HK1: variants seen among roughly 807,000 people sequenced by gnomAD.
HK1 encodes the protein hexokinase-1.
Under a neutral mutation model 91.6 loss-of-function variants are expected in HK1, and 28 were observed. That is an observed-to-expected ratio of 0.31 (90% CI 0.23 to 0.42). The LOEUF (loss-of-function observed/expected upper bound fraction) is 0.42, where lower values mean the gene tolerates loss of function less well. Among genes scored for constraint, HK1 ranks in the 10% least tolerant of loss-of-function variants. The pLI is 1.00. For missense variants in HK1, 770 were observed against 1,219.8 expected (o/e 0.63, Z 5.49); for synonymous variants, 430 against 468.1 (o/e 0.92, Z 1.05).
At chr10:69,306,936 A>G (rs2132520025) in intron 5 of HK1, among the ~76,000 whole-genome samples, 1 of 152,348 alleles carries the variant, frequency 6.6e-6, no homozygotes, top group Middle Eastern at 3.4e-3. Flanking sequence ...GTTGTTCACC[A>G]CATTTCCAGT....
At chr10:69,351,278 C>T (rs74604511) in intron 2 of HK1, among the ~76,000 whole-genome samples, 20,265 of 151,928 alleles carry the variant, frequency 0.13, 1,543 homozygotes, top group South Asian at 0.27. Flanking sequence ...GAGGCCAGGG[C>T]AGTCGGATCA....
chr10:69,351,535 AC>A lies in HK1; in HGVS notation c.226+7547del, dbSNP rs529595624. On this transcript the variant is annotated intron_variant, in intron 2 of 17. Transcript: ENST00000359426. ...AAAAACAAAAACAAAAACAAAAAAAACAAAACAAAAAAACCCAAAGCTATAA... is the reference window on the plus strand; with the variant it reads ...AAAAACAAAAACAAAAACAAAAAAAAAAAACAAAAAAACCCAAAGCTATAA... 2.2e-3 allele frequency among the ~76,000 whole-genome samples: 329 copies of A among 148,550 alleles called. 6 individuals are homozygous for A. The highest frequency in any genetic ancestry group is 7.7e-4 in the Non-Finnish European group (52 of 67,150).
intron 7 of HK1, among the ~76,000 whole-genome samples, chr10:69,373,128 C>G (rs558365148): frequency 6.6e-6 from 1 of 152,330 alleles, no homozygotes; most frequent in Admixed American, 6.5e-5. Context: ...CTTGGCCTCT[C>G]AAAGTTCTGG....
chr10:69,324,065 T>A (rs1341129938), intron 1 of HK1, among the ~76,000 whole-genome samples: 1 of 152,138 alleles, frequency 6.6e-6, no homozygotes, highest in Admixed American at 6.5e-5. Context: ...AGAGACAGGG[T>A]CTCACCATAT....
Position 69,401,213 on chromosome 10 carries a change from G to A in HK1, c.*78G>A, listed in dbSNP as rs1197244689. 2 of 1,522,606 alleles carry A rather than the reference G, an allele frequency of 1.3e-6. No individual in the cohort carries two copies. The highest frequency in any genetic ancestry group is 2.4e-5 in the East Asian group (1 of 41,594). 94.3% of individuals were successfully genotyped at this position (1,522,606 alleles called of 1,614,324 possible). ...CGACCCCCTACCCTCCCAGCGAGTT[G>A]CGCTGGGAGACGCTGGCGCCAGGGC... On this transcript the variant is annotated 3_prime_UTR_variant, in exon 18 of 18. Transcript: ENST00000359426.
Position 69,276,118 on chromosome 10 carries a change from A to AAATATAT in HK1, c.-391+6011_-391+6012insATATATA. ...AAAAAAAAAAAAAAAAAAAAAAAAA[A>AAATATAT]ATACATATATATATATATATACACA... On this transcript the variant is annotated intron_variant, in intron 1 of 21. Transcript: ENST00000360289. Among the ~76,000 whole-genome samples, 16 of 38,266 alleles carry AAATATAT rather than the reference A, an allele frequency of 4.2e-4. 2 individuals are homozygous for AAATATAT. The highest frequency in any genetic ancestry group is 5.6e-4 in the Non-Finnish European group (11 of 19,634). The allele number at this position is 38,266 out of a possible 152,430, so 25.1% of individuals were successfully genotyped here.
intron 3 of HK1, among the ~76,000 whole-genome samples, chr10:69,362,987 G>C (rs1849513563): frequency 6.6e-6 from 1 of 152,200 alleles, no homozygotes; most frequent in African/African-American, 2.4e-5. Flanking sequence ...CGACTTTAGA[G>C]CTGGCTTGGG....
Position 69,387,874 on chromosome 10 carries a change from AT to A in HK1, c.1936-1313del, listed in dbSNP as rs5785913. ...GGGAGTCAGTAAGAGACTGTTTTAA[AT>A]TTTTTTTTTGACTTTTTTTCAAATC... On this transcript the variant is annotated intron_variant, in intron 13 of 17. Transcript: ENST00000359426. 8.0e-3 allele frequency among the ~76,000 whole-genome samples: 1,170 copies of A among 145,698 alleles called. 17 individuals carry two copies. The highest frequency in any genetic ancestry group is 0.03 in the African/African-American group (1,099 of 36,080).
chr10:69,285,261 G>A (rs112654564), intron 2 of HK1, among the ~76,000 whole-genome samples: 13,521 of 151,828 alleles, frequency 0.089, 1,064 homozygotes, highest in African/African-American at 0.21. Flanking sequence ...GGTCTCTACT[G>A]AAAATACAAA....
At chr10:69,273,121 C>G (rs975441668) in intron 1 of HK1, among the ~76,000 whole-genome samples, 1 of 150,972 alleles carries the variant, frequency 6.6e-6, no homozygotes, top group African/African-American at 2.4e-5. Flanking sequence ...ATTTCCGCCT[C>G]TTGGGTTCAA....
At chr10:69,281,412 T>G (rs143439968) in intron 1 of HK1, among the ~76,000 whole-genome samples, 269 of 152,350 alleles carry the variant, frequency 1.8e-3, no homozygotes, top group African/African-American at 6.2e-3. Context: ...CAGGGTGTGC[T>G]GTCCTCTTCC....
intron 2 of HK1, among the ~76,000 whole-genome samples, chr10:69,357,043 A>G (rs1434177720): frequency 6.6e-6 from 1 of 152,226 alleles, no homozygotes; most frequent in Non-Finnish European, 1.5e-5. Flanking sequence ...TCAGACTGTA[A>G]TAAGTGTTGA....
intron 3 of HK1, among the ~76,000 whole-genome samples, chr10:69,289,596 CTAGT>C (rs546431446): frequency 0.02 from 3,004 of 150,302 alleles, 108 homozygotes; most frequent in African/African-American, 0.069. Context: ...CTCAGCCTCC[CTAGT>C]AGCTGAAATT....
Position 69,281,732 on chromosome 10 carries a change from T to C in HK1, c.-390-797T>C, listed in dbSNP as rs375324827. ...AAAAAGGAAGGGTTTGGGTGGGGAATGGTGGTGAGTCACCCTTAGGATTGT... is the reference window on the plus strand; with the variant it reads ...AAAAAGGAAGGGTTTGGGTGGGGAACGGTGGTGAGTCACCCTTAGGATTGT... On this transcript the variant is annotated intron_variant, in intron 1 of 21. Coordinates refer to the HK1 transcript ENST00000360289. 8.6e-4 allele frequency among the ~76,000 whole-genome samples: 131 copies of C among 152,292 alleles called. 3 individuals carry two copies. In the South Asian group the frequency reaches 0.026, roughly 30 times the overall value.
At chr10:69,365,936 A>G (rs954828152) in intron 4 of HK1, among the ~76,000 whole-genome samples, 9 of 152,028 alleles carry the variant, frequency 5.9e-5, no homozygotes, top group African/African-American at 1.9e-4. Flanking sequence ...GGTTCAAGCA[A>G]TTCTCCTGCC....
chr10:69,276,926 T>A (rs1844506820), intron 1 of HK1, among the ~76,000 whole-genome samples: 1 of 151,954 alleles, frequency 6.6e-6, no homozygotes, highest in South Asian at 2.1e-4. Flanking sequence ...TGCTTTTATG[T>A]ATTTTAGTCT....
At chr10:69,298,675 A>C (rs982031204) in intron 4 of HK1, among the ~76,000 whole-genome samples, 3 of 151,814 alleles carry the variant, frequency 2.0e-5, no homozygotes, top group African/African-American at 7.3e-5. Flanking sequence ...ACAAATGAAC[A>C]ATGAGAAAAT....
chr10:69,399,976 C>G (rs891564), intron 17 of HK1, among the ~76,000 whole-genome samples: 214 of 152,248 alleles, frequency 1.4e-3, no homozygotes, highest in African/African-American at 4.2e-3. Context: ...TGTCTCTCCC[C>G]CTTAATAGCT....
At chr10:69,339,745 C>T (rs752490975) in intron 1 of HK1, among the ~76,000 whole-genome samples, 6 of 152,166 alleles carry the variant, frequency 3.9e-5, no homozygotes, top group African/African-American at 4.8e-5. Flanking sequence ...TCCTGTCCAG[C>T]GGGAAAACCC....
Sources: gnomAD v4.1 joint callset for allele counts (sites outside exome capture counted in the v4.1 genomes callset) on GRCh38, gnomAD v4.1.1 for gene constraint, MANE v1.5 for transcripts, NCBI Gene and HGNC (gene_info 2026-07-23, HGNC 2026-07-21) for gene names.